Variants in LECT2 observed in about 807,000 individuals in gnomAD.
The protein encoded by LECT2 is leukocyte cell derived chemotaxin 2, also known as leukocyte cell-derived chemotaxin-2.
Under a neutral mutation model 16.6 loss-of-function variants are expected in LECT2, and 11 were observed. The ratio of observed to expected loss-of-function variants is 0.66; its 90% CI spans 0.42 to 1.09. The LOEUF is 1.09. LECT2 is among the 50% of genes least tolerant of loss of function. LECT2 has a pLI of 0.00. For synonymous variants in LECT2, 54 were observed against 64.8 expected (o/e 0.83, Z 0.80); for missense variants, 173 against 184.2 (o/e 0.94, Z 0.35).
Position 135,951,325 on chromosome 5 carries a change from C to T in LECT2, c.187G>A (p.Gly63Arg). 6.2e-7 allele frequency: 1 copy of T among 1,613,958 alleles called. No homozygotes were observed. Among genetic ancestry groups the T allele is most frequent in the Non-Finnish European group, 8.5e-7 (1 of 1,179,864 alleles). ...GTGAATGGTGCGTACACAGTAGATC[C>T]AGCAGAGCACAAGATGTCCACACCC... ...HQGVDILCSA[G>R]STVYAPFTGM... The change falls in exon 3 of 4, where the codon GGA becomes AGA. Residue 63 changes from glycine to arginine, a missense_variant. Physicochemically the swap from Gly to Arg is moderately radical, Grantham distance 125. Transcript: ENST00000274507.
At chr5:135,952,828 T>A (rs964553588) in intron 2 of LECT2, 43 bp downstream of exon 2, 1 of 1,418,372 alleles carries the variant, frequency 7.1e-7, no homozygotes, top group Non-Finnish European at 1.0e-6. Context: ...AGAAAAGAGG[T>A]TAGGGACCAA....
chr5:135,953,938 C>T (rs982877294), intron 1 of LECT2, among the ~76,000 whole-genome samples: 2 of 151,944 alleles, frequency 1.3e-5, no homozygotes, highest in Non-Finnish European at 2.9e-5. Context: ...GCTGCTTTCT[C>T]AGCAGACTTG....
chr5:135,947,381 G>A lies in LECT2; in HGVS notation c.406C>T (p.His136Tyr). 5.0e-6 allele frequency: 8 copies of A among 1,614,044 alleles called. No individual in the cohort carries two copies. Among genetic ancestry groups the A allele is most frequent in the Admixed American group, 1.7e-5 (1 of 60,032 alleles). ...GAGTCACAGTTTTCAATGTGCACAT[G>A]CGATTGTATGCCAGGATAAACTTTC... The part of the protein sequence containing the change: ...LQKVYPGIQS[H>Y]VHIENCDSSD... The change falls in exon 4 of 4, where the codon CAT (histidine) becomes TAT (tyrosine). Residue 136 changes from histidine to tyrosine, a missense_variant. Physicochemically the swap from His to Tyr is moderately conservative, Grantham distance 83 (BLOSUM62 2). Transcript: ENST00000274507.
chr5:135,951,089 A>G, intron 3 of LECT2, 134 bp downstream of exon 3: 2 of 894,100 alleles, frequency 2.2e-6, no homozygotes, highest in Non-Finnish European at 3.4e-6. Context: ...GTTTGGGTAC[A>G]CTCTATATTC....
chr5:135,947,412 G>C lies in LECT2; in HGVS notation c.375C>G (p.Pro125=). ...GTATGCCAGGATAAACTTTCTGCAAGGGCAATAGAGTTCCAAGTTTTTCTC... is the reference window on the plus strand; with the variant it reads ...GTATGCCAGGATAAACTTTCTGCAACGGCAATAGAGTTCCAAGTTTTTCTC... ...KKGEKLGTLL[P]LQKVYPGIQS... The change falls in exon 4 of 4, where the codon CCC becomes CCG. Residue 125 remains proline (P), a synonymous_variant. Coordinates refer to ENST00000274507, the MANE Select transcript of LECT2 (RefSeq NM_002302.3). The C allele has an allele frequency of 6.2e-7, 1 of 1,614,046 alleles. No individual in the cohort carries two copies.
intron 3 of LECT2, among the ~76,000 whole-genome samples, chr5:135,948,654 TAAAA>T (rs1237771752): frequency 2.3e-5 from 3 of 130,944 alleles, no homozygotes; most frequent in Non-Finnish European, 4.9e-5. Flanking sequence ...CTAGAAAATT[TAAAA>T]TAATAATAAT....
Position 135,952,869 on chromosome 5 carries a change from AC to A in LECT2, c.143+1del, listed in dbSNP as rs763867467. On this transcript the variant is annotated splice_donor_variant, in intron 2 of 3. Transcript: ENST00000274507. LOFTEE classifies it high-confidence loss of function. ...TGGGTGGGTGGTTGTGCAACTTCAT[AC>A]CTTTGAGCAGAGTACTGTCCACAGC... 6.2e-7 allele frequency: 1 copy of A among 1,608,532 alleles called. No individual in the cohort carries two copies. Among genetic ancestry groups the A allele is most frequent in the Non-Finnish European group, 8.5e-7 (1 of 1,175,092 alleles).
At chr5:135,951,055 GT>G in intron 3 of LECT2, 167 bp downstream of exon 3, 2 of 664,318 alleles carry the variant, frequency 3.0e-6, no homozygotes, top group East Asian at 2.7e-5. Context: ...TAAAATAAAA[GT>G]TTTTTAAAAA....
rs1763840945 is a variant in LECT2, at chr5:135,954,965, G to A, written c.-132C>T. 3 of 671,822 alleles carry A rather than the reference G, an allele frequency of 4.5e-6. No individual in the cohort carries two copies. Among genetic ancestry groups the A allele is most frequent in the Non-Finnish European group, 7.8e-6 (3 of 386,202 alleles). 41.6% of individuals were successfully genotyped at this position (671,822 alleles called of 1,614,324 possible). On this transcript the variant is annotated 5_prime_UTR_variant, in exon 1 of 4. Coordinates refer to ENST00000274507, the MANE Select transcript of LECT2 (RefSeq NM_002302.3). Reference sequence around the variant, plus strand: ...ATTCTGCATCTCTCATTTCTTTAGTGTGAGACACAAAAAGTTTAAGAGGAT... The same window carrying A: ...ATTCTGCATCTCTCATTTCTTTAGTATGAGACACAAAAAGTTTAAGAGGAT...
chr5:135,949,694 C>T (rs1763763954), intron 3 of LECT2, among the ~76,000 whole-genome samples: 1 of 152,192 alleles, frequency 6.6e-6, no homozygotes, highest in Admixed American at 6.5e-5. Context: ...AGGACTGAGC[C>T]TCCCTTTTGT....
In LECT2 at chr5:135,951,358, G is replaced by A; in HGVS notation, c.154C>T (p.Pro52Ser). ...CACAAGATGTCCACACCCTGGTGAGGCCTCTGACTTCTAGGATGTAAATAA... is the reference window on the plus strand; with the variant it reads ...CACAAGATGTCCACACCCTGGTGAGACCTCTGACTTCTAGGATGTAAATAA... ...GQYSAQRSQR[P>S]HQGVDILCSA... Residue 52 changes from proline to serine, a missense_variant, in exon 3 of 4, where the codon CCT becomes TCT. Physicochemically the swap from Pro to Ser is moderately conservative, Grantham distance 74. Transcript: ENST00000274507. 2 of 1,613,450 alleles carry A rather than the reference G, an allele frequency of 1.2e-6. No individual in the cohort carries two copies. The highest frequency in any genetic ancestry group is 2.2e-5 in the South Asian group (2 of 90,830).
chr5:135,947,280 AGGT>A lies in LECT2; in HGVS notation c.*48_*50del. 2 of 1,562,938 alleles carry A rather than the reference AGGT, an allele frequency of 1.3e-6. No homozygotes were observed. Among genetic ancestry groups the A allele is most frequent in the South Asian group, 2.3e-5 (2 of 88,042 alleles). On this transcript the variant is annotated 3_prime_UTR_variant, in exon 4 of 4. Coordinates refer to ENST00000274507, the MANE Select transcript of LECT2 (RefSeq NM_002302.3). ...TTCTTGAAGAGAAGGGTATGCATCC[AGGT>A]TTTTAAGATGACTTTTTATTTTGAA...
intron 1 of LECT2, among the ~76,000 whole-genome samples, chr5:135,954,076 A>G (rs41345346): frequency 0.17 from 25,826 of 152,238 alleles, 2,338 homozygotes; most frequent in East Asian, 0.28. Flanking sequence ...AGCACACTCA[A>G]CCTTGCACTT....
chr5:135,947,157 C>T lies in LECT2; in HGVS notation c.*174G>A. On this transcript the variant is annotated 3_prime_UTR_variant, in exon 4 of 4. Transcript: ENST00000274507. The stretch of plus-strand genomic sequence containing the variant: ...CATAGGTGTATTTGTTTATGAGGTA[C>T]GTGAGATGTTTTGATACAGGCATGC... 5.5e-6 allele frequency: 3 copies of T among 548,722 alleles called. No homozygotes were observed. Among genetic ancestry groups the T allele is most frequent in the Non-Finnish European group, 6.3e-6 (2 of 319,082 alleles). The allele number at this position is 548,722 out of a possible 1,614,324, so 34.0% of individuals were successfully genotyped here. A position where few individuals can be genotyped will look rare whatever the true frequency, so the allele number is the denominator to read the frequency against.
intron 3 of LECT2, among the ~76,000 whole-genome samples, chr5:135,948,870 T>C (rs1037417148): frequency 6.6e-6 from 1 of 151,884 alleles, no homozygotes; most frequent in Non-Finnish European, 1.5e-5. Flanking sequence ...AGAGACGGGG[T>C]TTCACCGTGT....
chr5:135,951,304 A>G lies in LECT2; in HGVS notation c.208T>C (p.Phe70Leu), dbSNP rs1458306726. ...TCCTGGCCCACAATCATTCCAGTGA[A>G]TGGTGCGTACACAGTAGATCCAGCA... ...CSAGSTVYAP[F>L]TGMIVGQEKP... Residue 70 changes from phenylalanine (F) to leucine (L), a missense_variant, in exon 3 of 4, where the codon TTC becomes CTC. Physicochemically the swap from Phe to Leu is conservative, Grantham distance 22. Transcript: ENST00000274507. The G allele has an allele frequency of 3.7e-6, 6 of 1,614,022 alleles. No individual in the cohort carries two copies. Among genetic ancestry groups the G allele is most frequent in the South Asian group, 2.2e-5 (2 of 91,084 alleles).
chr5:135,950,577 G>C (rs1056686478), intron 3 of LECT2, among the ~76,000 whole-genome samples: 1 of 152,086 alleles, frequency 6.6e-6, no homozygotes, highest in African/African-American at 2.4e-5. Context: ...ACTTTTATGT[G>C]TGTATTTATA....
intron 3 of LECT2, among the ~76,000 whole-genome samples, chr5:135,949,042 A>T (rs1324822675): frequency 6.6e-6 from 1 of 152,218 alleles, no homozygotes; most frequent in African/African-American, 2.4e-5. Flanking sequence ...TAGAAGAGCT[A>T]AAACTCCATC....
At chr5:135,950,516 A>T (rs1763774847) in intron 3 of LECT2, among the ~76,000 whole-genome samples, 1 of 152,192 alleles carries the variant, frequency 6.6e-6, no homozygotes, top group African/African-American at 2.4e-5. Context: ...CTGATTACAC[A>T]GGTGTGTTCA....
Sources: gnomAD v4.1 joint callset for allele counts (sites outside exome capture counted in the v4.1 genomes callset) on GRCh38, gnomAD v4.1.1 for gene constraint, MANE v1.5 for transcripts, NCBI Gene and HGNC (gene_info 2026-07-23, HGNC 2026-07-21) for gene names.